SKA3: variants seen among roughly 807,000 people sequenced by gnomAD.
The protein encoded by SKA3 is spindle and kinetochore associated complex subunit 3.
SKA3 carries 39 observed loss-of-function variants against 44.2 expected under a neutral mutation model. The ratio of observed to expected loss-of-function variants is 0.88; its 90% CI spans 0.68 to 1.15. The LOEUF (loss-of-function observed/expected upper bound fraction) is 1.15. SKA3 is among the 50% of genes most tolerant of loss of function. The probability of loss-of-function intolerance (pLI) is 0.00; values close to 1 mark genes in which losing one functional copy is unlikely to be tolerated. For missense variants in SKA3, 511 were observed against 485.8 expected, an observed-to-expected ratio of 1.05 and a Z score of -0.49; for synonymous variants, 192 against 172.0, an observed-to-expected ratio of 1.12 and a Z score of -0.91.
chr13:21,156,149 T>C (rs1051433623), intron 7 of SKA3, among the ~76,000 whole-genome samples: 12 of 142,402 alleles, frequency 8.4e-5, no homozygotes. Context: ...ATCATGTCAC[T>C]GCACTCCAGC....
intron 3 of SKA3, 26 bp downstream of exon 3, chr13:21,172,313 A>T (rs760702192): frequency 2.0e-6 from 3 of 1,465,356 alleles, no homozygotes; most frequent in Non-Finnish European, 2.8e-6. Context: ...ACTAAAACAA[A>T]TGCTATAAAA....
chr13:21,172,450 C>A lies in SKA3; in HGVS notation c.220G>T (p.Asp74Tyr). The change falls in exon 3 of 9, where the codon GAT (aspartate) becomes TAT (tyrosine). Residue 74 changes from aspartate to tyrosine, a missense_variant. Coordinates refer to ENST00000314759, the MANE Select transcript of SKA3 (RefSeq NM_145061.6). ...AGTACTTTTGTTGCCTTTATGAAAT[C>A]AATGCCTTCTTGATTTTCCAATCTT... ...KARLENQEGIDFIKATKVLME... is the reference protein window; with the variant it reads ...KARLENQEGIYFIKATKVLME... 1 of 1,591,058 alleles carries A rather than the reference C, an allele frequency of 6.3e-7. No individual in the cohort carries two copies. The highest frequency in any genetic ancestry group is 8.5e-7 in the Non-Finnish European group (1 of 1,171,730).
intron 7 of SKA3, among the ~76,000 whole-genome samples, chr13:21,156,267 T>C (rs1870117003): frequency 6.6e-6 from 1 of 151,882 alleles, no homozygotes; most frequent in Admixed American, 6.6e-5. Flanking sequence ...GAAGGACTGA[T>C]TTTTAAAGCT....
In SKA3 at chr13:21,154,118, C is replaced by A. The variant is rs139167123; in HGVS notation, c.*1032G>T. The A allele has an allele frequency of 6.6e-6, 1 of 152,218 alleles. No homozygotes were observed. The highest frequency in any genetic ancestry group is 6.5e-5 in the Admixed American group (1 of 15,274). 9.4% of individuals were successfully genotyped at this position (152,218 alleles called of 1,614,324 possible). A position where few individuals can be genotyped will look rare whatever the true frequency, so the allele number is the denominator to read the frequency against. On this transcript the variant is annotated 3_prime_UTR_variant, in exon 9 of 9. Transcript: ENST00000314759. ...TTACTGCATCAAATTCCCAAAACTA[C>A]GCCTTTGAAGTAAGTTGACATAATA...
chr13:21,168,100 C>A lies in SKA3; in HGVS notation c.631G>T (p.Asp211Tyr), dbSNP rs1358960729. 2 of 1,614,156 alleles carry A rather than the reference C, an allele frequency of 1.2e-6. No individual in the cohort carries two copies. Among genetic ancestry groups the A allele is most frequent in the Admixed American group, 1.7e-5 (1 of 60,026 alleles). ...TTAGGAGTTACACACTCAAAATCAT[C>A]CATTTTTAGTGCACATTTTGGAGTT... ...LKTPKCALKM[D>Y]DFECVTPKLE... Residue 211 changes from aspartate (D) to tyrosine (Y), a missense_variant, in exon 4 of 9, where the codon GAT (aspartate) becomes TAT (tyrosine). Asp to Tyr is a radical substitution (Grantham distance 160). Coordinates refer to ENST00000314759, the MANE Select transcript of SKA3 (RefSeq NM_145061.6).
At chr13:21,165,576 T>C (rs1016035543) in intron 4 of SKA3, among the ~76,000 whole-genome samples, 1 of 152,156 alleles carries the variant, frequency 6.6e-6, no homozygotes, top group African/African-American at 2.4e-5. Flanking sequence ...AGGTACAAAA[T>C]GGCCTAGAAG....
At position 21,172,662 on chromosome 13, in the gene SKA3, C is replaced by A; in HGVS notation, c.123G>T (p.Met41Ile). 1 of 1,580,068 alleles carries A rather than the reference C, an allele frequency of 6.3e-7. No homozygotes were observed. The highest frequency in any genetic ancestry group is 8.6e-7 in the Non-Finnish European group (1 of 1,158,736). ...CTGAATGAAGGTCATATAAAATTCT[C>A]ATTGGATAATCTTCAAAGTCTTCAA... ...GEESDFEDYP[M>I]RILYDLHSEV... Residue 41 changes from methionine (M) to isoleucine (I), a missense_variant, in exon 2 of 9, where the codon ATG becomes ATT. Coordinates refer to ENST00000314759, the MANE Select transcript of SKA3 (RefSeq NM_145061.6).
At position 21,176,474 on chromosome 13, in the gene SKA3, C is replaced by A; in HGVS notation, c.4G>T (p.Asp2Tyr). ...TTCCCGCAGAAGCTCCGGATAGGGTCCATGCTGAGCACAGCGGGGAAGGAC... is the reference window on the plus strand; with the variant it reads ...TTCCCGCAGAAGCTCCGGATAGGGTACATGCTGAGCACAGCGGGGAAGGAC... M[D>Y]PIRSFCGKLR... Residue 2 changes from aspartate to tyrosine, a missense_variant, in exon 1 of 9, where the codon GAC becomes TAC. Coordinates refer to ENST00000314759, the MANE Select transcript of SKA3 (RefSeq NM_145061.6). The A allele has an allele frequency of 6.5e-7, 1 of 1,548,922 alleles. No individual in the cohort carries two copies. The highest frequency in any genetic ancestry group is 2.0e-5 in the Admixed American group (1 of 50,656).
intron 2 of SKA3, 52 bp from the exon 3 acceptor site, chr13:21,172,556 CTATT>C (rs1308780414): frequency 2.9e-6 from 4 of 1,361,440 alleles, no homozygotes; most frequent in Middle Eastern, 3.9e-4. Flanking sequence ...CTGACTAAAT[CTATT>C]TAGGATAAAA....
chr13:21,168,430 A>T, intron 3 of SKA3, 31 bp from the exon 4 acceptor site: 1 of 1,183,258 alleles, frequency 8.5e-7, no homozygotes, highest in African/African-American at 1.5e-5. Context: ...ATTCTGGTCA[A>T]ACTCAAAATG....
At chr13:21,172,315 G>A (rs757782840) in intron 3 of SKA3, 24 bp downstream of exon 3, 6 of 1,118,558 alleles carry the variant, frequency 5.4e-6, no homozygotes, top group Non-Finnish European at 5.9e-6. Flanking sequence ...TAAAACAAAT[G>A]CTATAAAATG....
Position 21,155,097 on chromosome 13 carries a change from C to T in SKA3, c.*53G>A, listed in dbSNP as rs754900563. ...TGTGAATGTTAAAATCGGTCCAGCT[C>T]GGCTTTCATCTCATTTTGTTCAGTT... On this transcript the variant is annotated 3_prime_UTR_variant, in exon 9 of 9. Transcript: ENST00000314759. The T allele has an allele frequency of 7.5e-6, 12 of 1,610,106 alleles. No homozygotes were observed. In the East Asian group the frequency reaches 1.6e-4, roughly 21 times the overall value.
rs1870073418 is a variant in SKA3, at chr13:21,155,688, C to G, written c.1238+5G>C. 1 of 1,114,210 alleles carries G rather than the reference C, an allele frequency of 9.0e-7. No individual in the cohort carries two copies. Among genetic ancestry groups the G allele is most frequent in the East Asian group, 4.0e-5 (1 of 24,876 alleles). 69.0% of individuals were successfully genotyped at this position (1,114,210 alleles called of 1,614,324 possible). ...GAACTTTCTTTACAAAGGTAACATA[C>G]TCACCAGTTTTCTTTGTTGCTGACA... On this transcript the variant is annotated splice_donor_5th_base_variant and intron_variant, in intron 8 of 8. Coordinates refer to ENST00000314759, the MANE Select transcript of SKA3 (RefSeq NM_145061.6).
At chr13:21,155,909 C>T (rs1347689302) in intron 7 of SKA3, 98 bp from the exon 8 acceptor site, 16 of 615,284 alleles carry the variant, frequency 2.6e-5, no homozygotes, top group South Asian at 9.1e-5. Context: ...AGCTATGGGG[C>T]GGGCATGGTG....
Position 21,173,883 on chromosome 13 carries a change from T to C in SKA3, c.104-1202A>G, listed in dbSNP as rs150852031. Among the ~76,000 whole-genome samples the C allele has an allele frequency of 4.3e-4, 65 of 152,330 alleles. No individual in the cohort carries two copies. The East Asian group carries it at 9.4e-3, about 22-fold the overall frequency. ...TAAGAGACTCAGAAAAAGTGCTGGA[T>C]TATATGTTATGCATATGCTCAACTT... On this transcript the variant is annotated intron_variant, in intron 1 of 8. Transcript: ENST00000314759.
chr13:21,155,165 A>C lies in SKA3; in HGVS notation c.*-15T>G. 1 of 1,213,226 alleles carries C rather than the reference A, an allele frequency of 8.2e-7. No individual in the cohort carries two copies. Among genetic ancestry groups the C allele is most frequent in the Non-Finnish European group, 1.1e-6 (1 of 908,496 alleles). The allele number at this position is 1,213,226 out of a possible 1,614,324, so 75.2% of individuals were successfully genotyped here. A position where few individuals can be genotyped will look rare whatever the true frequency, so the allele number is the denominator to read the frequency against. The stretch of plus-strand genomic sequence containing the variant: ...CACTGGAATTTCTGCAACAGATACA[A>C]ATAACAAATATCAATTTAATAAAAT... On this transcript the variant is annotated splice_polypyrimidine_tract_variant and intron_variant, in intron 8 of 8. Transcript: ENST00000314759.
intron 4 of SKA3, among the ~76,000 whole-genome samples, chr13:21,167,536 G>A (rs1054305472): frequency 3.3e-5 from 5 of 152,126 alleles, no homozygotes; most frequent in African/African-American, 1.2e-4. Context: ...GGAGGCCCAG[G>A]CGGGCGGATC....
intron 4 of SKA3, among the ~76,000 whole-genome samples, chr13:21,164,193 A>G (rs1003489962): frequency 6.6e-6 from 1 of 152,156 alleles, no homozygotes; most frequent in Non-Finnish European, 1.5e-5. Context: ...TATATTTATC[A>G]TGTTATAACA....
Position 21,155,686 on chromosome 13 carries a change from TACTC to T in SKA3, c.1238+3_1238+6del, listed in dbSNP as rs1161027979. 2.7e-6 allele frequency: 3 copies of T among 1,105,000 alleles called. No individual in the cohort carries two copies. The highest frequency in any genetic ancestry group is 3.7e-6 in the Non-Finnish European group (3 of 811,614). 68.4% of individuals were successfully genotyped at this position (1,105,000 alleles called of 1,614,324 possible). On this transcript the variant is annotated splice_donor_5th_base_variant and intron_variant, in intron 8 of 8. Transcript: ENST00000314759. ...ATGAACTTTCTTTACAAAGGTAACA[TACTC>T]ACCAGTTTTCTTTGTTGCTGACATC...
Sources: allele counts gnomAD v4.1 joint callset (sites outside exome capture counted in the v4.1 genomes callset), GRCh38; gene constraint gnomAD v4.1.1; transcripts MANE v1.5; gene names NCBI Gene and HGNC (gene_info 2026-07-23, HGNC 2026-07-21).